Variants in GADD45B observed in about 807,000 individuals in gnomAD.
GADD45B encodes the protein growth arrest and DNA damage inducible beta.
GADD45B carries 8 observed loss-of-function variants against 15.2 expected under a neutral mutation model. The ratio of observed to expected loss-of-function variants is 0.53; its 90% confidence interval spans 0.31 to 0.95. The LOEUF is 0.95. GADD45B is among the 40% of genes least tolerant of loss of function. The pLI is 0.05. For missense variants in GADD45B, 162 were observed against 216.6 expected (o/e 0.75, Z 1.58); for synonymous variants, 100 against 89.8 (o/e 1.11, Z -0.64).
Position 2,476,293 on chromosome 19 carries a change from C to A in GADD45B, c.-66C>A. 6.6e-7 allele frequency: 1 copy of A among 1,522,640 alleles called. No individual in the cohort carries two copies. The allele number at this position is 1,522,640 out of a possible 1,614,324, so 94.3% of individuals were successfully genotyped here. On this transcript the variant is annotated 5_prime_UTR_variant, in exon 1 of 4. Transcript: ENST00000215631. ...TGGGAAGGTTTTGGGCTCTCTGGCT[C>A]GGATTTTGCAATTTCTCCCTGGGGA...
intron 1 of GADD45B, 62 bp downstream of exon 1, chr19:2,476,464 G>C (rs978993095): frequency 6.2e-7 from 1 of 1,602,436 alleles, no homozygotes; most frequent in Non-Finnish European, 8.5e-7. Flanking sequence ...GGGTTGGGCC[G>C]GGCCGGGAGC....
At position 2,478,183 on chromosome 19, in the gene GADD45B, G is replaced by A. The variant is rs1433545360; in HGVS notation, c.*582G>A. ...TTGCACTTGTTATTCGAACCACTGAGAGCGAGATGGGAAGCATAGATATCT... is the reference window on the plus strand; with the variant it reads ...TTGCACTTGTTATTCGAACCACTGAAAGCGAGATGGGAAGCATAGATATCT... On this transcript the variant is annotated 3_prime_UTR_variant, in exon 4 of 4. Transcript: ENST00000215631. 6.6e-6 allele frequency: 1 copy of A among 152,232 alleles called. No homozygotes were observed. The highest frequency in any genetic ancestry group is 1.5e-5 in the Non-Finnish European group (1 of 68,042). The allele number at this position is 152,232 out of a possible 1,614,324, so 9.4% of individuals were successfully genotyped here. A position where few individuals can be genotyped will look rare whatever the true frequency, so the allele number is the denominator to read the frequency against.
chr19:2,476,509 T>A lies in GADD45B; in HGVS notation c.45-20T>A. On this transcript the variant is annotated intron_variant, in intron 1 of 3. Transcript: ENST00000215631. Reference sequence around the variant, plus strand: ...CACCCGGTGGTCCGCCCGTCACTGATCCCTCTTTCCTGGTCTCAGGATGCA... The same window carrying A: ...CACCCGGTGGTCCGCCCGTCACTGAACCCTCTTTCCTGGTCTCAGGATGCA... 6.2e-7 allele frequency: 1 copy of A among 1,604,764 alleles called. No homozygotes were observed.
At position 2,477,841 on chromosome 19, in the gene GADD45B, C is replaced by A; in HGVS notation, c.*240C>A. 2.6e-6 allele frequency: 1 copy of A among 382,144 alleles called. No homozygotes were observed. Among genetic ancestry groups the A allele is most frequent in the Non-Finnish European group, 4.9e-6 (1 of 203,280 alleles). 23.7% of individuals were successfully genotyped at this position (382,144 alleles called of 1,614,324 possible). A position where few individuals can be genotyped will look rare whatever the true frequency, so the allele number is the denominator to read the frequency against. On this transcript the variant is annotated 3_prime_UTR_variant, in exon 4 of 4. Coordinates refer to ENST00000215631, the MANE Select transcript of GADD45B (RefSeq NM_015675.4). This position sits in a 1 kb window ranked among gnomAD's most constrained non-coding sequence, Gnocchi z 4.2. The stretch of plus-strand genomic sequence containing the variant: ...CCGATCCGATGGAGAAGGGGGGACC[C>A]AGGCCAGCAGGAGACAGGACCCCCG...
At position 2,477,777 on chromosome 19, in the gene GADD45B, C is replaced by T. The variant is rs1042257757; in HGVS notation, c.*176C>T. 8 of 439,742 alleles carry T rather than the reference C, an allele frequency of 1.8e-5. No individual in the cohort carries two copies. Among genetic ancestry groups the T allele is most frequent in the South Asian group, 3.1e-5 (1 of 32,628 alleles). 27.2% of individuals were successfully genotyped at this position (439,742 alleles called of 1,614,324 possible). On this transcript the variant is annotated 3_prime_UTR_variant, in exon 4 of 4. Transcript: ENST00000215631. This position sits in a 1 kb window ranked among gnomAD's most constrained non-coding sequence, Gnocchi z 4.2. ...AGAGGAGGAGGAGAAGGGGAGTGAG[C>T]GGCCGCCCCCAGGGCGGAGATCCAG...
rs2144695850 is a variant in GADD45B, at chr19:2,477,455, G to A, written c.370-33G>A. The A allele has an allele frequency of 1.4e-6, 2 of 1,425,058 alleles. No individual in the cohort carries two copies. Among genetic ancestry groups the A allele is most frequent in the Non-Finnish European group, 2.0e-6 (2 of 1,013,232 alleles). 88.3% of individuals were successfully genotyped at this position (1,425,058 alleles called of 1,614,324 possible). A position where few individuals can be genotyped will look rare whatever the true frequency, so the allele number is the denominator to read the frequency against. On this transcript the variant is annotated intron_variant, in intron 3 of 3. Coordinates refer to ENST00000215631, the MANE Select transcript of GADD45B (RefSeq NM_015675.4). This position sits in a 1 kb window ranked among gnomAD's most constrained non-coding sequence, Gnocchi z 4.2. The stretch of plus-strand genomic sequence containing the variant: ...CACACAGGGGCCCCGGGAGAGGGAG[G>A]CTCCACTAAACCCCTTCTTTTCCCT...
In GADD45B at chr19:2,477,008, C is replaced by G. The variant is rs200388410; in HGVS notation, c.147-21C>G. 3.9e-6 allele frequency: 6 copies of G among 1,557,898 alleles called. No homozygotes were observed. In the East Asian group the frequency reaches 1.1e-4, roughly 29 times the overall value. On this transcript the variant is annotated intron_variant, in intron 2 of 3. Coordinates refer to ENST00000215631, the MANE Select transcript of GADD45B (RefSeq NM_015675.4). This position sits in a 1 kb window ranked among gnomAD's most constrained non-coding sequence, Gnocchi z 4.2. The stretch of plus-strand genomic sequence containing the variant: ...CTCCCCTGTCCCCGGCTGACCCATC[C>G]CTACCCTTTGGCCCCCTCAGGGACC...
Position 2,476,192 on chromosome 19 carries a change from T to C in GADD45B, c.-167T>C, listed in dbSNP as rs1972309094. 2 of 705,638 alleles carry C rather than the reference T, an allele frequency of 2.8e-6. No individual in the cohort carries two copies. The highest frequency in any genetic ancestry group is 3.5e-5 in the African/African-American group (2 of 56,850). The allele number at this position is 705,638 out of a possible 1,614,324, so 43.7% of individuals were successfully genotyped here. ...TCCTGGATTATCCTCGCCAAGGACT[T>C]TGCAATATATTTTTCCGCCTTTTCT... On this transcript the variant is annotated 5_prime_UTR_variant, in exon 1 of 4. Coordinates refer to ENST00000215631, the MANE Select transcript of GADD45B (RefSeq NM_015675.4).
At chr19:2,476,993 C>T (rs1440099321) in intron 2 of GADD45B, 36 bp from the exon 3 acceptor site, 4 of 1,454,438 alleles carry the variant, frequency 2.8e-6, no homozygotes, top group Non-Finnish European at 3.9e-6. Context: ...CTCCCCTGTC[C>T]CCGGCTGACC....
chr19:2,476,230 C>T lies in GADD45B; in HGVS notation c.-129C>T, dbSNP rs116434815. On this transcript the variant is annotated 5_prime_UTR_variant, in exon 1 of 4. Transcript: ENST00000215631. ...TTCCGCCTTTTCTGGAAGGATTTCGCTGCTTCCCGAAGGTCTTGGACGAGC... is the reference window on the plus strand; with the variant it reads ...TTCCGCCTTTTCTGGAAGGATTTCGTTGCTTCCCGAAGGTCTTGGACGAGC... 244 of 844,430 alleles carry T rather than the reference C, an allele frequency of 2.9e-4. 1 individual carries two copies. The African/African-American group carries it at 3.7e-3, about 13-fold the overall frequency. The allele number at this position is 844,430 out of a possible 1,614,324, so 52.3% of individuals were successfully genotyped here.
chr19:2,477,404 G>A lies in GADD45B; in HGVS notation c.370-84G>A. On this transcript the variant is annotated intron_variant, in intron 3 of 3. Transcript: ENST00000215631. This position sits in a 1 kb window ranked among gnomAD's most constrained non-coding sequence, Gnocchi z 4.2. The stretch of plus-strand genomic sequence containing the variant: ...GGGCTGGGGCCTCCTCACCCAGGAA[G>A]CTATTTTGAGCCTGACTGTTTTCCC... The A allele has an allele frequency of 1.9e-6, 2 of 1,067,780 alleles. No individual in the cohort carries two copies. The highest frequency in any genetic ancestry group is 2.8e-6 in the Non-Finnish European group (2 of 721,188). 66.1% of individuals were successfully genotyped at this position (1,067,780 alleles called of 1,614,324 possible). A position where few individuals can be genotyped will look rare whatever the true frequency, so the allele number is the denominator to read the frequency against.
Position 2,477,420 on chromosome 19 carries a change from C to A in GADD45B, c.370-68C>A. On this transcript the variant is annotated intron_variant, in intron 3 of 3. Transcript: ENST00000215631. The surrounding 1 kb of genome is among the most constrained non-coding windows in gnomAD (Gnocchi z 4.2). ...ACCCAGGAAGCTATTTTGAGCCTGA[C>A]TGTTTTCCCCACACAGGGGCCCCGG... 8.5e-7 allele frequency: 1 copy of A among 1,175,344 alleles called. No individual in the cohort carries two copies. Among genetic ancestry groups the A allele is most frequent in the Non-Finnish European group, 1.2e-6 (1 of 807,548 alleles). The allele number at this position is 1,175,344 out of a possible 1,614,324, so 72.8% of individuals were successfully genotyped here.
rs1263903320 is a variant in GADD45B, at chr19:2,477,753, G to C, written c.*152G>C. The C allele has an allele frequency of 7.9e-6, 4 of 508,782 alleles. No homozygotes were observed. In the Admixed American group the frequency reaches 9.6e-5, roughly 12 times the overall value. 31.5% of individuals were successfully genotyped at this position (508,782 alleles called of 1,614,324 possible). ...AGAGTCGTTGGAGACTGAAGAGGAA[G>C]AGGAGGAGGAGAAGGGGAGTGAGCG... On this transcript the variant is annotated 3_prime_UTR_variant, in exon 4 of 4. Transcript: ENST00000215631. The surrounding 1 kb of genome is among the most constrained non-coding windows in gnomAD (Gnocchi z 4.2).
chr19:2,476,519 C>T lies in GADD45B; in HGVS notation c.45-10C>T, dbSNP rs1217588435. 3.1e-6 allele frequency: 5 copies of T among 1,607,214 alleles called. No individual in the cohort carries two copies. The East Asian group carries it at 6.7e-5, about 22-fold the overall frequency. ...TCCGCCCGTCACTGATCCCTCTTTC[C>T]TGGTCTCAGGATGCAGACGGTGACC... On this transcript the variant is annotated splice_polypyrimidine_tract_variant and intron_variant, in intron 1 of 3. Coordinates refer to ENST00000215631, the MANE Select transcript of GADD45B (RefSeq NM_015675.4).
chr19:2,476,424 C>T, intron 1 of GADD45B, 22 bp downstream of exon 1: 2 of 1,611,446 alleles, frequency 1.2e-6, no homozygotes. Context: ...GGGCTGCCGC[C>T]GCCTGAGGTC....
chr19:2,477,069 G>A lies in GADD45B; in HGVS notation c.187G>A (p.Glu63Lys). 1 of 1,606,950 alleles carries A rather than the reference G, an allele frequency of 6.2e-7. No homozygotes were observed. Among genetic ancestry groups the A allele is most frequent in the Non-Finnish European group, 8.5e-7 (1 of 1,173,932 alleles). ...SVVLCLLAID[E>K]EEEDDIALQI... is the part of the protein sequence containing the mutation. Reference sequence around the variant, plus strand: ...GGTCCTCTGCCTCTTGGCCATTGACGAGGAGGAGGAGGATGACATCGCCCT... The same window carrying A: ...GGTCCTCTGCCTCTTGGCCATTGACAAGGAGGAGGAGGATGACATCGCCCT... Residue 63 changes from glutamate to lysine, a missense_variant, in exon 3 of 4, where the codon GAG becomes AAG. Glu to Lys is a moderately conservative substitution (Grantham distance 56, BLOSUM62 1). Coordinates refer to ENST00000215631, the MANE Select transcript of GADD45B (RefSeq NM_015675.4). This position sits in a 1 kb window ranked among gnomAD's most constrained non-coding sequence, Gnocchi z 4.2.
Position 2,477,262 on chromosome 19 carries a change from C to T in GADD45B, c.369+11C>T, listed in dbSNP as rs376763339. ...TGTCTCCTGGTCACGGTGAGTCGGG[C>T]CTCTGCCCTGCCCCGCCACGCCCGG... On this transcript the variant is annotated intron_variant, in intron 3 of 3. Coordinates refer to ENST00000215631, the MANE Select transcript of GADD45B (RefSeq NM_015675.4). This position sits in a 1 kb window ranked among gnomAD's most constrained non-coding sequence, Gnocchi z 4.2. The T allele has an allele frequency of 6.6e-6, 10 of 1,511,546 alleles. No individual in the cohort carries two copies. The highest frequency in any genetic ancestry group is 8.9e-6 in the Non-Finnish European group (10 of 1,124,562). The allele number at this position is 1,511,546 out of a possible 1,614,324, so 93.6% of individuals were successfully genotyped here.
chr19:2,476,438 C>T (rs1217995347), intron 1 of GADD45B, 36 bp downstream of exon 1: 1 of 1,568,178 alleles, frequency 6.4e-7, no homozygotes, highest in South Asian at 1.1e-5. Flanking sequence ...TGAGGTCAGC[C>T]GGGACGGGAT....
At position 2,476,574 on chromosome 19, in the gene GADD45B, T is replaced by A. The variant is rs763067262; in HGVS notation, c.90T>A (p.Ala30=). ...CGGTGGAGGAGCTTTTGGTGGCCGC[T>A]CAGCGCCAGGATCGCCTCACAGTGG... The part of the protein sequence containing the change: ...TAAVEELLVA[A]QRQDRLTVGV... Residue 30 remains alanine, a synonymous_variant, in exon 2 of 4, where the codon GCT becomes GCA. Coordinates refer to ENST00000215631, the MANE Select transcript of GADD45B (RefSeq NM_015675.4). The A allele has an allele frequency of 3.1e-6, 5 of 1,603,818 alleles. No individual in the cohort carries two copies. Among genetic ancestry groups the A allele is most frequent in the Non-Finnish European group, 4.3e-6 (5 of 1,173,292 alleles).
Sources: gnomAD v4.1 joint callset for allele counts on GRCh38, gnomAD v4.1.1 for gene constraint, Gnocchi (gnomAD v3.1) non-coding constraint, MANE v1.5 for transcripts, NCBI Gene and HGNC (gene_info 2026-07-23, HGNC 2026-07-21) for gene names.